The following CADPS variants were observed in gnomAD, a reference collection of about 807,000 sequenced individuals.
CADPS encodes calcium dependent secretion activator.
CADPS carries 57 observed loss-of-function variants against 167.3 expected under a neutral mutation model. The ratio of observed to expected loss-of-function variants is 0.34; its 90% CI spans 0.28 to 0.42. The LOEUF (loss-of-function observed/expected upper bound fraction) is 0.42. CADPS is among the 20% of genes least tolerant of loss of function. The pLI is 1.00. For synonymous variants in CADPS, 676 were observed against 635.3 expected (o/e 1.06, Z -0.96); for missense variants, 1,414 against 1,738.1 (o/e 0.81, Z 3.32).
intron 9 of CADPS, among the ~76,000 whole-genome samples, chr3:62,562,362 A>C (rs1397139778): frequency 6.6e-6 from 1 of 152,184 alleles, no homozygotes; most frequent in African/African-American, 2.4e-5. Flanking sequence ...GTCATGCAGA[A>C]CTGGATTTGG....
chr3:62,787,056 G>T (rs956798345), intron 1 of CADPS, among the ~76,000 whole-genome samples: 1 of 152,182 alleles, frequency 6.6e-6, no homozygotes, highest in Non-Finnish European at 1.5e-5. Flanking sequence ...CACTTTGGGA[G>T]GCTGAGGCAG....
At chr3:62,854,000 AAAAG>A (rs1313402761) in intron 1 of CADPS, among the ~76,000 whole-genome samples, 2 of 152,160 alleles carry the variant, frequency 1.3e-5, no homozygotes, top group African/African-American at 2.4e-5. Flanking sequence ...AAAGTAAGTA[AAAAG>A]AAAGATTGAA....
intron 6 of CADPS, among the ~76,000 whole-genome samples, chr3:62,632,165 T>C (rs2065403515): frequency 6.6e-6 from 1 of 152,194 alleles, no homozygotes; most frequent in South Asian, 2.1e-4. Flanking sequence ...ATCTATCATA[T>C]GCATATATCT....
intron 3 of CADPS, among the ~76,000 whole-genome samples, chr3:62,703,838 G>C (rs2081867077): frequency 6.6e-6 from 1 of 152,132 alleles, no homozygotes; most frequent in South Asian, 2.1e-4. Flanking sequence ...CAATGCAGCA[G>C]TCGGCACATA....
rs1403515912 is a variant in CADPS at position 62,851,469 on chromosome 3, T to G, written c.441+23120A>C. Among the ~76,000 whole-genome samples, 497 of 149,648 alleles carry G rather than the reference T, an allele frequency of 3.3e-3. 4 individuals are homozygous for G. The highest frequency in any genetic ancestry group is 0.011 in the African/African-American group (462 of 40,570). ...TCAGGAGCTCTTTTAGGGCAGGCCT[T>G]GTGGTGACAAAATCTCTCAGCCTTT... On this transcript the variant is annotated intron_variant, in intron 1 of 29. Coordinates refer to ENST00000383710, the MANE Select transcript of CADPS (RefSeq NM_003716.4).
At chr3:62,828,587 C>A (rs1342808351) in intron 1 of CADPS, among the ~76,000 whole-genome samples, 12 of 152,096 alleles carry the variant, frequency 7.9e-5, no homozygotes, top group Non-Finnish European at 1.8e-4. Context: ...GTTTATCTTG[C>A]ACATCAGAAC....
At chr3:62,695,047 T>C (rs1310532259) in intron 3 of CADPS, among the ~76,000 whole-genome samples, 2 of 152,082 alleles carry the variant, frequency 1.3e-5, no homozygotes, top group Non-Finnish European at 2.9e-5. Flanking sequence ...TTCCACATCT[T>C]AGTTTTTCCT....
At chr3:62,690,101 A>G (rs1190439840) in intron 3 of CADPS, among the ~76,000 whole-genome samples, 1 of 151,838 alleles carries the variant, frequency 6.6e-6, no homozygotes, top group Non-Finnish European at 1.5e-5. Context: ...GTACTGGGCA[A>G]TCTACATTTT....
intron 1 of CADPS, among the ~76,000 whole-genome samples, chr3:62,771,541 C>T (rs1173352698): frequency 2.6e-5 from 4 of 152,128 alleles, no homozygotes; most frequent in Non-Finnish European, 4.4e-5. Context: ...CCCAGAGTAG[C>T]TGACAGTACA....
intron 3 of CADPS, among the ~76,000 whole-genome samples, chr3:62,679,262 T>G (rs2076774204): frequency 6.6e-6 from 1 of 152,040 alleles, no homozygotes; most frequent in Non-Finnish European, 1.5e-5. Context: ...CACTATTTGA[T>G]GTGTCAAAGT....
In CADPS at chr3:62,550,078, C is replaced by T. The variant is rs1398696450; in HGVS notation, c.1791G>A (p.Lys597=). 1 of 1,614,066 alleles carries T rather than the reference C, an allele frequency of 6.2e-7. No homozygotes were observed. Among genetic ancestry groups the T allele is most frequent in the Admixed American group, 1.7e-5 (1 of 60,018 alleles). Residue 597 remains lysine, a synonymous_variant, in exon 11 of 30, where the codon AAG becomes AAA. Transcript: ENST00000383710. ...EGGRAFFNAV[K]EGDTVIFASD... The stretch of plus-strand genomic sequence containing the variant: ...TGGCAAATATCACGGTGTCTCCCTC[C>T]TTGACAGCATTGAAGAAGGCTCGGC...
At chr3:62,812,616 T>A (rs1356223966) in intron 1 of CADPS, among the ~76,000 whole-genome samples, 1 of 152,172 alleles carries the variant, frequency 6.6e-6, no homozygotes, top group African/African-American at 2.4e-5. Context: ...TCAGGCAACA[T>A]GTGCTGTCTA....
At chr3:62,748,009 GTC>G (rs1208726572) in intron 3 of CADPS, among the ~76,000 whole-genome samples, 2 of 151,834 alleles carry the variant, frequency 1.3e-5, no homozygotes, top group Admixed American at 1.3e-4. Flanking sequence ...ACTAAGAAGA[GTC>G]TATTTGCCTT....
chr3:62,630,038 T>C (rs975508387), intron 6 of CADPS, among the ~76,000 whole-genome samples: 4 of 152,180 alleles, frequency 2.6e-5, no homozygotes, highest in Admixed American at 1.3e-4. Flanking sequence ...TGTCTTAAAT[T>C]ATTTCATTTG....
chr3:62,512,328 A>G (rs1458084098), intron 17 of CADPS, among the ~76,000 whole-genome samples: 1 of 152,152 alleles, frequency 6.6e-6, no homozygotes, highest in African/African-American at 2.4e-5. Flanking sequence ...CATGGATACA[A>G]CTTCTCTCTG....
At chr3:62,585,909 A>G (rs1425813837) in intron 7 of CADPS, among the ~76,000 whole-genome samples, 2 of 152,222 alleles carry the variant, frequency 1.3e-5, no homozygotes, top group African/African-American at 2.4e-5. Flanking sequence ...TTGCCCGGGC[A>G]TGGAGGAAAG....
chr3:62,516,128 T>A lies in CADPS; in HGVS notation c.2512A>T (p.Ile838Phe), dbSNP rs1425225580. The A allele has an allele frequency of 6.2e-7, 1 of 1,613,278 alleles. No homozygotes were observed. Among genetic ancestry groups the A allele is most frequent in the African/African-American group, 1.3e-5 (1 of 74,888 alleles). The stretch of plus-strand genomic sequence containing the variant: ...GCAGCCTGTTCCAGACATTTACGGA[T>A]AACTGTTTTTACCTCCTCTTGTGGC... Reference protein sequence around the residue: ...PVPQEEVKTVIRKCLEQAALV... With the variant: ...PVPQEEVKTVFRKCLEQAALV... Residue 838 changes from isoleucine (I) to phenylalanine (F), a missense_variant, in exon 16 of 30, where the codon ATC (isoleucine) becomes TTC (phenylalanine). Around this residue, in one of 6 missense-constraint regions of CADPS, gnomAD observed 529 missense variants for 629.6 expected, o/e 0.84. Coordinates refer to ENST00000383710, the MANE Select transcript of CADPS (RefSeq NM_003716.4).
intron 3 of CADPS, among the ~76,000 whole-genome samples, chr3:62,730,002 C>T (rs1393353637): frequency 4.6e-5 from 7 of 151,872 alleles, no homozygotes; most frequent in Non-Finnish European, 1.0e-4. Context: ...CCTTTCAGAG[C>T]ACTCTATTCC....
intron 1 of CADPS, among the ~76,000 whole-genome samples, chr3:62,851,417 T>C (rs1359639298): frequency 6.9e-6 from 1 of 145,454 alleles, no homozygotes; most frequent in Non-Finnish European, 1.5e-5. Context: ...TGGTACTGGT[T>C]GTTCCTTTCC....
Sources: gnomAD v4.1 joint callset for allele counts (sites outside exome capture counted in the v4.1 genomes callset) on GRCh38, gnomAD v4.1.1 for gene constraint, gnomAD v4.1.1 regional missense constraint, MANE v1.5 for transcripts, NCBI Gene and HGNC (gene_info 2026-07-23, HGNC 2026-07-21) for gene names.